Variants in VRK1 observed in about 807,000 individuals in gnomAD.
VRK1 encodes VRK serine/threonine kinase 1, also known as serine/threonine-protein kinase VRK1.
VRK1 carries 33 observed loss-of-function variants against 57.1 expected under a neutral mutation model. The ratio of observed to expected loss-of-function variants is 0.58; its 90% confidence interval spans 0.44 to 0.77. VRK1 has a LOEUF of 0.77. Among genes scored for constraint, VRK1 ranks in the 30% least tolerant of loss-of-function variants. The probability of loss-of-function intolerance (pLI) is 0.00; values close to 1 mark genes in which losing one functional copy is unlikely to be tolerated. For synonymous variants in VRK1, 137 were observed against 147.8 expected (o/e 0.93, Z 0.53); for missense variants, 413 against 477.3 (o/e 0.87, Z 1.25).
chr14:96,842,132 T>G (rs1378038668), intron 3 of VRK1, among the ~76,000 whole-genome samples: 1 of 152,206 alleles, frequency 6.6e-6, no homozygotes, highest in East Asian at 1.9e-4. Context: ...TTTAGAAGCT[T>G]ATTTCATTTA....
intron 1 of VRK1, among the ~76,000 whole-genome samples, chr14:96,826,568 G>A (rs1886806683): frequency 2.0e-5 from 3 of 152,156 alleles, no homozygotes; most frequent in Admixed American, 1.3e-4. Context: ...TATAAAAGTA[G>A]ACTTGCATAG....
At chr14:96,832,723 A>G (rs1887056947) in intron 1 of VRK1, among the ~76,000 whole-genome samples, 1 of 152,232 alleles carries the variant, frequency 6.6e-6, no homozygotes, top group Non-Finnish European at 1.5e-5. Flanking sequence ...CTAATGGGAA[A>G]GAAAGCTTAG....
In VRK1 at chr14:96,846,262, T is replaced by C. The variant is rs927811394; in HGVS notation, c.286+98T>C. The C allele has an allele frequency of 4.1e-6, 5 of 1,219,224 alleles. No homozygotes were observed. The African/African-American group carries it at 7.6e-5, about 19-fold the overall frequency. 75.5% of individuals were successfully genotyped at this position (1,219,224 alleles called of 1,614,324 possible). A position where few individuals can be genotyped will look rare whatever the true frequency, so the allele number is the denominator to read the frequency against. Reference sequence around the variant, plus strand: ...CATTGTATCTTATTTTATGACTCTTTGTTATTTTTTTGCTTTATAAATTCC... The same window carrying C: ...CATTGTATCTTATTTTATGACTCTTCGTTATTTTTTTGCTTTATAAATTCC... On this transcript the variant is annotated intron_variant, in intron 4 of 12. Coordinates refer to ENST00000216639, the MANE Select transcript of VRK1 (RefSeq NM_003384.3).
At chr14:96,853,888 A>G (rs1888047269) in intron 7 of VRK1, among the ~76,000 whole-genome samples, 1 of 152,122 alleles carries the variant, frequency 6.6e-6, no homozygotes, top group Non-Finnish European at 1.5e-5. Context: ...TAAACATTTT[A>G]AATGTGTTTG....
chr14:96,862,511 C>CCT (rs1555362162), intron 11 of VRK1, among the ~76,000 whole-genome samples: 14 of 142,010 alleles, frequency 9.9e-5, no homozygotes, highest in African/African-American at 2.9e-4. Context: ...ATTTTGTTAG[C>CCT]TTTTTTTTTT....
intron 12 of VRK1, among the ~76,000 whole-genome samples, chr14:96,876,510 A>C (rs558875475): frequency 6.6e-6 from 1 of 152,166 alleles, no homozygotes; most frequent in Non-Finnish European, 1.5e-5. Context: ...TCTAAAATAA[A>C]TAAAATAAAT....
intron 1 of VRK1, among the ~76,000 whole-genome samples, chr14:96,824,811 G>A (rs921188947): frequency 5.3e-5 from 8 of 151,518 alleles, no homozygotes. Context: ...CCACCACCAC[G>A]CCTGGCTTAT....
chr14:96,864,922 A>G (rs1365048622), intron 11 of VRK1, among the ~76,000 whole-genome samples: 13 of 66,484 alleles, frequency 2.0e-4, no homozygotes, highest in East Asian at 1.7e-3. Flanking sequence ...TTGCCTATTT[A>G]AAAAAAAAAA....
chr14:96,824,665 ATTTTTTTT>A (rs55945612), intron 1 of VRK1, among the ~76,000 whole-genome samples: 1 of 139,524 alleles, frequency 7.2e-6, no homozygotes, highest in Non-Finnish European at 1.6e-5. Flanking sequence ...AAAAACATTA[ATTTTTTTT>A]TTTTTTTTTT....
chr14:96,838,626 G>A (rs1887318665), intron 3 of VRK1, among the ~76,000 whole-genome samples: 1 of 152,132 alleles, frequency 6.6e-6, no homozygotes, highest in Non-Finnish European at 1.5e-5. Context: ...TGGGATAGAT[G>A]TACATATGAA....
chr14:96,803,744 T>TGGTA (rs1439940095), intron 1 of VRK1, among the ~76,000 whole-genome samples: 4 of 152,164 alleles, frequency 2.6e-5, no homozygotes, highest in African/African-American at 9.7e-5. Flanking sequence ...GGTGATATTT[T>TGGTA]TTGTGCGTAC....
chr14:96,854,847 A>G lies in VRK1; in HGVS notation c.577-377A>G, dbSNP rs553791827. 1.3e-3 allele frequency among the ~76,000 whole-genome samples: 197 copies of G among 152,306 alleles called. 1 individual carries two copies. The highest frequency in any genetic ancestry group is 2.2e-3 in the Non-Finnish European group (152 of 68,020). ...TTTCTGTGTGGAAAGTAGCAGTTGT[A>G]TTGCAACAAGTATTGACGGTTTGCT... On this transcript the variant is annotated intron_variant, in intron 7 of 12. Coordinates refer to ENST00000216639, the MANE Select transcript of VRK1 (RefSeq NM_003384.3).
intron 11 of VRK1, among the ~76,000 whole-genome samples, chr14:96,865,651 A>G (rs972066575): frequency 6.6e-6 from 1 of 152,138 alleles, no homozygotes; most frequent in African/African-American, 2.4e-5. Flanking sequence ...AGGCCCCTAT[A>G]GTTACTTAGA....
At chr14:96,848,136 G>A (rs1368427536) in intron 5 of VRK1, among the ~76,000 whole-genome samples, 5 of 152,122 alleles carry the variant, frequency 3.3e-5, no homozygotes, top group South Asian at 2.1e-4. Flanking sequence ...AAGGGCCCAG[G>A]TTCCTTATCT....
Position 96,837,549 on chromosome 14 carries a change from A to G in VRK1, c.161-213A>G, listed in dbSNP as rs577839883. Among the ~76,000 whole-genome samples the G allele has an allele frequency of 2.0e-5, 3 of 152,288 alleles. No homozygotes were observed. The East Asian group carries it at 5.8e-4, about 29-fold the overall frequency. On this transcript the variant is annotated intron_variant, in intron 2 of 12. Coordinates refer to ENST00000216639, the MANE Select transcript of VRK1 (RefSeq NM_003384.3). ...TATGTAATTGATAATCATATAGAAG[A>G]AACCAGAAATTGTAAGATGCATTCT...
intron 8 of VRK1, among the ~76,000 whole-genome samples, chr14:96,855,800 G>A (rs1181518231): frequency 1.3e-5 from 2 of 152,098 alleles, no homozygotes; most frequent in South Asian, 2.1e-4. Flanking sequence ...AGTTCTCTGG[G>A]CCTCTTAATA....
chr14:96,830,973 GT>G, intron 1 of VRK1, among the ~76,000 whole-genome samples: 1 of 152,334 alleles, frequency 6.6e-6, no homozygotes, highest in South Asian at 2.1e-4. Flanking sequence ...TGGCTGGTTA[GT>G]TTTGAGAGTT....
intron 10 of VRK1, 92 bp from the exon 11 acceptor site, chr14:96,860,465 C>T: frequency 8.0e-7 from 1 of 1,256,678 alleles, no homozygotes; most frequent in Non-Finnish European, 1.1e-6. Context: ...TGTGTATTTG[C>T]ATTCTAACTT....
At chr14:96,818,668 A>G (rs1886483155) in intron 1 of VRK1, among the ~76,000 whole-genome samples, 1 of 152,124 alleles carries the variant, frequency 6.6e-6, no homozygotes, top group Non-Finnish European at 1.5e-5. Context: ...TATAGCCATG[A>G]ATTTTTTTAT....
Sources: gnomAD v4.1 joint callset for allele counts (sites outside exome capture counted in the v4.1 genomes callset) on GRCh38, gnomAD v4.1.1 for gene constraint, MANE v1.5 for transcripts, NCBI Gene and HGNC (gene_info 2026-07-23, HGNC 2026-07-21) for gene names.